The following MAML2 variants were observed in gnomAD, a reference collection of about 807,000 sequenced individuals.
MAML2 encodes mastermind like transcriptional coactivator 2, also known as mastermind-like protein 2.
In MAML2, 22 loss-of-function variants were observed where a neutral mutation model predicts 96.1. The observed-to-expected ratio is 0.23, with a 90% CI of 0.16 to 0.33. MAML2 has a LOEUF of 0.33. Ranked by LOEUF, MAML2 falls within the 10% of genes least tolerant of loss-of-function variation. The pLI is 1.00. For synonymous variants in MAML2, 561 were observed against 521.3 expected, an observed-to-expected ratio of 1.08 and a Z score of -1.04; for missense variants, 1,367 against 1,392.4, an observed-to-expected ratio of 0.98 and a Z score of 0.29.
At chr11:96,277,403 G>C (rs1338623723) in intron 1 of MAML2, among the ~76,000 whole-genome samples, 1 of 151,998 alleles carries the variant, frequency 6.6e-6, no homozygotes, top group Non-Finnish European at 1.5e-5. Context: ...CCATTACTTT[G>C]AAATATACAA....
chr11:96,020,845 C>T (rs1394495057), intron 2 of MAML2, among the ~76,000 whole-genome samples: 1 of 152,176 alleles, frequency 6.6e-6, no homozygotes, highest in Non-Finnish European at 1.5e-5. Context: ...CCATTACTCC[C>T]TTTCAAACTG....
intron 1 of MAML2, among the ~76,000 whole-genome samples, chr11:96,198,365 A>T: frequency 6.6e-6 from 1 of 152,216 alleles, no homozygotes; most frequent in Admixed American, 6.5e-5. Context: ...AACACACAGA[A>T]TCGCTTGTCA....
At chr11:96,250,384 A>T (rs994405262) in intron 1 of MAML2, among the ~76,000 whole-genome samples, 1 of 152,180 alleles carries the variant, frequency 6.6e-6, no homozygotes, top group African/African-American at 2.4e-5. Flanking sequence ...CATTTCAAAC[A>T]TTTATCATTT....
intron 2 of MAML2, among the ~76,000 whole-genome samples, chr11:96,034,553 CT>C (rs1858674458): frequency 6.6e-6 from 1 of 151,900 alleles, no homozygotes. Context: ...CATCAACTTA[CT>C]ATAAAGCTCC....
intron 2 of MAML2, among the ~76,000 whole-genome samples, chr11:95,995,870 A>T (rs1387103139): frequency 6.6e-6 from 1 of 152,184 alleles, no homozygotes; most frequent in African/African-American, 2.4e-5. Flanking sequence ...CTGGGAAGAT[A>T]AGCTACACAT....
intron 1 of MAML2, among the ~76,000 whole-genome samples, chr11:96,278,501 A>G (rs79159973): frequency 5.3e-4 from 80 of 152,312 alleles, no homozygotes; most frequent in African/African-American, 1.9e-3. Flanking sequence ...GTGAGGTGCT[A>G]TGATGGATTA....
intron 3 of MAML2, among the ~76,000 whole-genome samples, chr11:95,990,951 T>C (rs1189132173): frequency 2.0e-5 from 3 of 152,038 alleles, no homozygotes; most frequent in African/African-American, 7.2e-5. Context: ...GGTGCAAAAG[T>C]GATTACGGTT....
At chr11:96,317,289 G>A (rs1479990898) in intron 1 of MAML2, among the ~76,000 whole-genome samples, 1 of 152,146 alleles carries the variant, frequency 6.6e-6, no homozygotes, top group Non-Finnish European at 1.5e-5. Flanking sequence ...CTATGCTTCA[G>A]TGTCTTCAAA....
At chr11:96,040,433 T>C (rs1219906501) in intron 2 of MAML2, among the ~76,000 whole-genome samples, 1 of 152,132 alleles carries the variant, frequency 6.6e-6, no homozygotes, top group African/African-American at 2.4e-5. Context: ...TTTATGTAAC[T>C]AGCTTGGAGA....
At chr11:96,031,812 C>A (rs1021037527) in intron 2 of MAML2, among the ~76,000 whole-genome samples, 8 of 151,786 alleles carry the variant, frequency 5.3e-5, no homozygotes, top group Admixed American at 4.6e-4. Context: ...GGTGAAACCC[C>A]GTCTCTACTA....
At chr11:96,329,119 A>C (rs1368541074) in intron 1 of MAML2, among the ~76,000 whole-genome samples, 2 of 152,176 alleles carry the variant, frequency 1.3e-5, no homozygotes, top group Admixed American at 1.3e-4. Context: ...ATTATTTCAC[A>C]AGGGGTAATC....
intron 2 of MAML2, among the ~76,000 whole-genome samples, chr11:96,085,159 G>T (rs1323167750): frequency 8.6e-6 from 1 of 116,642 alleles, no homozygotes; most frequent in Non-Finnish European, 1.8e-5. Context: ...AGCTGCCTAG[G>T]CTATGCGTAT....
At chr11:96,013,597 T>C (rs1313580088) in intron 2 of MAML2, among the ~76,000 whole-genome samples, 1 of 152,100 alleles carries the variant, frequency 6.6e-6, no homozygotes, top group African/African-American at 2.4e-5. Context: ...ATCCTGGGCC[T>C]ATAAAAACCC....
At position 96,263,728 on chromosome 11, in the gene MAML2, A is replaced by T. The variant is rs191399489; in HGVS notation, c.513+77655T>A. ...TTTTGAGTCTGTACTTGGGCTCAGCAGGTATGGAGGGGGGCTGGTGGGACC... is the reference window on the plus strand; with the variant it reads ...TTTTGAGTCTGTACTTGGGCTCAGCTGGTATGGAGGGGGGCTGGTGGGACC... On this transcript the variant is annotated intron_variant, in intron 1 of 4. Transcript: ENST00000524717. 2.5e-4 allele frequency among the ~76,000 whole-genome samples: 38 copies of T among 152,354 alleles called. No homozygotes were observed. In the East Asian group the frequency reaches 7.1e-3, roughly 29 times the overall value.
At chr11:95,993,185 C>G (rs1205139106) in intron 2 of MAML2, among the ~76,000 whole-genome samples, 2 of 146,568 alleles carry the variant, frequency 1.4e-5, no homozygotes, top group Non-Finnish European at 3.0e-5. Context: ...GCTGGTATTA[C>G]AGGCATGAAG....
At chr11:96,164,096 G>A (rs1861156106) in intron 1 of MAML2, among the ~76,000 whole-genome samples, 1 of 151,570 alleles carries the variant, frequency 6.6e-6, no homozygotes. Context: ...AGCTGGTCTC[G>A]AACTCCTGAC....
chr11:96,233,377 A>G (rs1339139657), intron 1 of MAML2, among the ~76,000 whole-genome samples: 1 of 149,180 alleles, frequency 6.7e-6, no homozygotes, highest in African/African-American at 2.5e-5. Context: ...ACAGACATTC[A>G]TGTGTTTTCC....
chr11:96,247,416 C>A (rs538446322), intron 1 of MAML2, among the ~76,000 whole-genome samples: 118 of 152,164 alleles, frequency 7.8e-4, no homozygotes, highest in Non-Finnish European at 1.5e-3. Context: ...CCACCCCAAC[C>A]CACAAGCATA....
intron 2 of MAML2, among the ~76,000 whole-genome samples, chr11:96,032,448 G>A (rs937206031): frequency 4.6e-5 from 7 of 151,898 alleles, no homozygotes; most frequent in East Asian, 1.9e-4. Context: ...TTAGCCGGGC[G>A]TGATGGCAGG....
Sources: gnomAD v4.1 joint callset for allele counts (sites outside exome capture counted in the v4.1 genomes callset) on GRCh38, gnomAD v4.1.1 for gene constraint, MANE v1.5 for transcripts, NCBI Gene and HGNC (gene_info 2026-07-23, HGNC 2026-07-21) for gene names.